USP13: variants seen among roughly 807,000 people sequenced by gnomAD.
USP13 encodes ubiquitin specific peptidase 13, also known as ubiquitin carboxyl-terminal hydrolase 13.
A neutral mutation model predicts 107.8 loss-of-function variants in USP13; 68 were observed. The observed-to-expected ratio is 0.63, with a 90% CI of 0.52 to 0.77. USP13 has a LOEUF of 0.77. Among genes scored for constraint, USP13 ranks in the 30% least tolerant of loss-of-function variants. The pLI, the probability that USP13 is intolerant of heterozygous loss-of-function variation, is 0.00. For synonymous variants in USP13, 377 were observed against 389.5 expected (o/e 0.97, Z 0.38); for missense variants, 945 against 1,093.3 (o/e 0.86, Z 1.91).
intron 8 of USP13, among the ~76,000 whole-genome samples, 169 bp from the exon 9 acceptor site, chr3:179,730,020 G>A (rs1471887956): frequency 1.3e-5 from 2 of 152,212 alleles, no homozygotes; most frequent in Non-Finnish European, 2.9e-5. Flanking sequence ...AACGTTTCAG[G>A]AAGGTCATGA....
intron 3 of USP13, among the ~76,000 whole-genome samples, chr3:179,690,558 T>C (rs1712079512): frequency 6.6e-6 from 1 of 152,034 alleles, no homozygotes; most frequent in Non-Finnish European, 1.5e-5. Flanking sequence ...TCTGCTTCAG[T>C]TCTGTTTATT....
At chr3:179,679,366 T>C (rs1486474550) in intron 1 of USP13, among the ~76,000 whole-genome samples, 1 of 152,202 alleles carries the variant, frequency 6.6e-6, no homozygotes, top group African/African-American at 2.4e-5. Flanking sequence ...ATGTTTGTTT[T>C]GATATTGTAC....
intron 3 of USP13, among the ~76,000 whole-genome samples, chr3:179,699,733 C>G (rs1712445925): frequency 7.0e-6 from 1 of 141,992 alleles, no homozygotes; most frequent in Non-Finnish European, 1.5e-5. Flanking sequence ...TGCATTTTAG[C>G]TGTATCTTAT....
In USP13 at chr3:179,708,958, G is replaced by T. The variant is rs774012587; in HGVS notation, c.805+1G>T. 6.2e-7 allele frequency: 1 copy of T among 1,613,414 alleles called. No individual in the cohort carries two copies. The highest frequency in any genetic ancestry group is 1.7e-5 in the Admixed American group (1 of 59,914). On this transcript the variant is annotated splice_donor_variant, in intron 6 of 20. Coordinates refer to ENST00000263966, the MANE Select transcript of USP13 (RefSeq NM_003940.3). LOFTEE classifies it high-confidence loss of function. ...GGAACCATCACTCCTGACGGGGCAG[G>T]TGAGTGCGCCTTTACCGACTTTGGG...
At chr3:179,689,740 AGGGAGGTTAGATT>A (rs780496978) in intron 2 of USP13, among the ~76,000 whole-genome samples, 7 of 152,176 alleles carry the variant, frequency 4.6e-5, no homozygotes, top group Non-Finnish European at 8.8e-5. Context: ...AAAAATGTTT[AGGGAGGTTAGATT>A]GAGATTTCAC....
intron 4 of USP13, among the ~76,000 whole-genome samples, chr3:179,701,990 T>C (rs553927335): frequency 3.3e-5 from 5 of 152,200 alleles, no homozygotes; most frequent in Non-Finnish European, 5.9e-5. Flanking sequence ...TCTTTCCTTT[T>C]TTTTGTTTTG....
chr3:179,747,263 ACACT>A (rs1714442844), intron 13 of USP13, among the ~76,000 whole-genome samples: 2 of 152,242 alleles, frequency 1.3e-5, no homozygotes, highest in Admixed American at 1.3e-4. Flanking sequence ...AGACCTCTAC[ACACT>A]CTATTAGTGA....
At chr3:179,740,927 C>T (rs747740270) in intron 11 of USP13, among the ~76,000 whole-genome samples, 47 of 151,652 alleles carry the variant, frequency 3.1e-4, no homozygotes, top group Non-Finnish European at 5.4e-4. Context: ...CCACCACGCC[C>T]GGCTAATTTT....
intron 2 of USP13, among the ~76,000 whole-genome samples, chr3:179,689,699 G>T (rs1303273299): frequency 6.6e-6 from 1 of 151,934 alleles, no homozygotes; most frequent in Non-Finnish European, 1.5e-5. Context: ...CGATGCTTAC[G>T]ATGGCAAACA....
chr3:179,662,079 C>T (rs1406287219), intron 1 of USP13, among the ~76,000 whole-genome samples: 1 of 152,144 alleles, frequency 6.6e-6, no homozygotes, highest in Non-Finnish European at 1.5e-5. Context: ...TTTTAATTTC[C>T]TGTATCAAAT....
At chr3:179,711,001 G>A (rs1014322659) in intron 6 of USP13, among the ~76,000 whole-genome samples, 2 of 152,210 alleles carry the variant, frequency 1.3e-5, no homozygotes, top group African/African-American at 2.4e-5. Context: ...TGGGGAGTGA[G>A]TGTGAAGGCC....
chr3:179,715,612 C>T (rs1713087746), intron 6 of USP13, among the ~76,000 whole-genome samples: 1 of 152,082 alleles, frequency 6.6e-6, no homozygotes, highest in Non-Finnish European at 1.5e-5. Flanking sequence ...ATCCGCCTGT[C>T]TTTGCCTCCC....
At position 179,750,907 on chromosome 3, in the gene USP13, T is replaced by C. The variant is rs566323997; in HGVS notation, c.1710-1378T>C. Among the ~76,000 whole-genome samples the C allele has an allele frequency of 2.0e-5, 3 of 152,308 alleles. No individual in the cohort carries two copies. In the South Asian group the frequency reaches 6.2e-4, roughly 32 times the overall value. ...CATCGTTTGACTGTTTTTTGCCCCGTGTTCTGTCCCTGCGCTGTGCCTTTT... is the reference window on the plus strand; with the variant it reads ...CATCGTTTGACTGTTTTTTGCCCCGCGTTCTGTCCCTGCGCTGTGCCTTTT... On this transcript the variant is annotated intron_variant, in intron 13 of 20. Transcript: ENST00000263966.
chr3:179,673,707 T>A (rs1055667600), intron 1 of USP13, among the ~76,000 whole-genome samples: 1 of 152,190 alleles, frequency 6.6e-6, no homozygotes, highest in Non-Finnish European at 1.5e-5. Context: ...TTGATGGGGC[T>A]GCTGTGAAGG....
chr3:179,740,217 T>A, intron 10 of USP13, 30 bp from the exon 11 acceptor site: 1 of 1,611,116 alleles, frequency 6.2e-7, no homozygotes, highest in Non-Finnish European at 8.5e-7. Context: ...CATGAAAGTA[T>A]CATAAGTCCA....
chr3:179,715,744 C>T (rs1181596774), intron 6 of USP13, among the ~76,000 whole-genome samples: 1 of 152,054 alleles, frequency 6.6e-6, no homozygotes, highest in Non-Finnish European at 1.5e-5. Context: ...CTTAGAGGCA[C>T]ACAGATGTGA....
At chr3:179,751,671 A>G (rs1714615389) in intron 13 of USP13, among the ~76,000 whole-genome samples, 1 of 152,242 alleles carries the variant, frequency 6.6e-6, no homozygotes, top group Non-Finnish European at 1.5e-5. Flanking sequence ...CACTTTTCAG[A>G]AATATAGAAC....
At chr3:179,654,002 G>A (rs117119258) in intron 1 of USP13, among the ~76,000 whole-genome samples, 26,788 of 151,876 alleles carry the variant, frequency 0.18, 2,409 homozygotes, top group African/African-American at 0.23. Flanking sequence ...TTGAGGTCAG[G>A]AGTTCGAGAC....
chr3:179,778,279 C>T lies in USP13; in HGVS notation c.2414-3460C>T, dbSNP rs145806774. On this transcript the variant is annotated intron_variant, in intron 19 of 20. Transcript: ENST00000263966. ...ATACAAAACAAGTGAGGAAATGAAG[C>T]GAAAGGAGTCATTCCTTCATTCATT... is the stretch of plus-strand genomic sequence containing the variant. Among the ~76,000 whole-genome samples the T allele has an allele frequency of 1.1e-4, 17 of 152,138 alleles. 1 individual carries two copies. Among genetic ancestry groups the T allele is most frequent in the African/African-American group, 3.9e-4 (16 of 41,498 alleles).
Sources: gnomAD v4.1 joint callset for allele counts (sites outside exome capture counted in the v4.1 genomes callset) on GRCh38, gnomAD v4.1.1 for gene constraint, MANE v1.5 for transcripts, NCBI Gene and HGNC (gene_info 2026-07-23, HGNC 2026-07-21) for gene names.